TRPC6: variants seen among roughly 807,000 people sequenced by gnomAD.
The protein encoded by TRPC6 is transient receptor potential cation channel subfamily C member 6.
Under a neutral mutation model 90.7 loss-of-function variants are expected in TRPC6, and 55 were observed. The ratio of observed to expected loss-of-function variants is 0.61; its 90% confidence interval spans 0.49 to 0.76. TRPC6 has a LOEUF of 0.76. Among genes scored for constraint, TRPC6 ranks in the 30% least tolerant of loss-of-function variants. The pLI, the probability that TRPC6 is intolerant of heterozygous loss-of-function variation, is 0.00. For missense variants in TRPC6, 989 were observed against 1,122.7 expected, an observed-to-expected ratio of 0.88 and a Z score of 1.70; for synonymous variants, 393 against 393.0, an observed-to-expected ratio of 1.00 and a Z score of 0.00.
At chr11:101,580,382 T>G (rs961547628) in intron 1 of TRPC6, among the ~76,000 whole-genome samples, 2 of 152,308 alleles carry the variant, frequency 1.3e-5, no homozygotes, top group East Asian at 3.9e-4. Context: ...TAGAGAATAT[T>G]AATTGATTTG....
intron 1 of TRPC6, among the ~76,000 whole-genome samples, chr11:101,555,718 G>C (rs1457573870): frequency 6.6e-6 from 1 of 152,142 alleles, no homozygotes; most frequent in Non-Finnish European, 1.5e-5. Context: ...GACTGTACCA[G>C]ATTTCTATGA....
chr11:101,577,357 A>G (rs920595049), intron 1 of TRPC6, among the ~76,000 whole-genome samples: 15 of 152,274 alleles, frequency 9.9e-5, no homozygotes, highest in African/African-American at 3.6e-4. Flanking sequence ...TTTATTTGGA[A>G]ATACCTCGTA....
intron 8 of TRPC6, 55 bp from the exon 9 acceptor site, chr11:101,471,441 G>T (rs192655263): frequency 1.3e-6 from 2 of 1,578,018 alleles, no homozygotes; most frequent in African/African-American, 1.3e-5. Flanking sequence ...GAATTACTGG[G>T]ATGCTTTTAA....
chr11:101,470,391 C>A (rs1417415831), intron 9 of TRPC6, among the ~76,000 whole-genome samples: 1 of 152,194 alleles, frequency 6.6e-6, no homozygotes, highest in Non-Finnish European at 1.5e-5. Context: ...ACAGCCAGCT[C>A]CTTCAGTCCT....
At chr11:101,559,949 A>T (rs951718945) in intron 1 of TRPC6, among the ~76,000 whole-genome samples, 1 of 152,022 alleles carries the variant, frequency 6.6e-6, no homozygotes, top group East Asian at 1.9e-4. Context: ...CCATGTCCCT[A>T]CAAAGGTTTT....
chr11:101,491,376 G>A, intron 3 of TRPC6, 180 bp downstream of exon 3: 1 of 651,154 alleles, frequency 1.5e-6, no homozygotes, highest in Non-Finnish European at 2.4e-6. Flanking sequence ...GGAGCTTGCA[G>A]TGAGCCGAGA....
At chr11:101,549,791 G>A (rs761075777) in intron 1 of TRPC6, among the ~76,000 whole-genome samples, 58 of 151,056 alleles carry the variant, frequency 3.8e-4, no homozygotes, top group Non-Finnish European at 7.3e-4. Context: ...GGCCCTAATA[G>A]ATAAATAGGT....
At chr11:101,466,970 G>A (rs539106500) in intron 10 of TRPC6, among the ~76,000 whole-genome samples, 1 of 131,940 alleles carries the variant, frequency 7.6e-6, no homozygotes, top group African/African-American at 3.7e-5. Flanking sequence ...CCCTTGGGTG[G>A]GGGAGAAATT....
intron 1 of TRPC6, among the ~76,000 whole-genome samples, chr11:101,529,821 G>T (rs7101962): frequency 0.76 from 115,477 of 152,122 alleles, 45,387 homozygotes; most frequent in Middle Eastern, 0.87. Context: ...GGGAGCAGAT[G>T]TTAAAATTCT....
In TRPC6 at chr11:101,471,378, A is replaced by G. The variant is rs1427442900; in HGVS notation, c.2214T>C (p.Ala738=). Residue 738 remains alanine (A), a synonymous_variant, in exon 9 of 13, where the codon GCT becomes GCC. Coordinates refer to ENST00000344327, the MANE Select transcript of TRPC6 (RefSeq NM_004621.6). ...CCCTTGCAAATTTCCACTCCACATCAGCGTCATCCTATACAAATACACATG... is the reference window on the plus strand; with the variant it reads ...CCCTTGCAAATTTCCACTCCACATCGGCGTCATCCTATACAAATACACATG... ...NSSFQEIEDD[A]DVEWKFARAK... 2 of 1,613,726 alleles carry G rather than the reference A, an allele frequency of 1.2e-6. No homozygotes were observed. Among genetic ancestry groups the G allele is most frequent in the African/African-American group, 2.7e-5 (2 of 74,910 alleles).
At chr11:101,573,832 T>A (rs1024729789) in intron 1 of TRPC6, among the ~76,000 whole-genome samples, 4 of 151,832 alleles carry the variant, frequency 2.6e-5, no homozygotes, top group African/African-American at 9.7e-5. Flanking sequence ...TTAATAACAA[T>A]GGCATCCAGA....
At chr11:101,488,695 A>G (rs926272448) in intron 4 of TRPC6, among the ~76,000 whole-genome samples, 19 of 152,242 alleles carry the variant, frequency 1.2e-4, no homozygotes, top group African/African-American at 4.3e-4. Context: ...TGGTGATATT[A>G]CAGGTGAATT....
At chr11:101,478,765 T>TC (rs1378883591) in intron 5 of TRPC6, among the ~76,000 whole-genome samples, 1 of 152,168 alleles carries the variant, frequency 6.6e-6, no homozygotes, top group African/African-American at 2.4e-5. Context: ...GGCTGCTCAT[T>TC]CCACTGTTGA....
chr11:101,566,115 T>A (rs1479498747), intron 1 of TRPC6, among the ~76,000 whole-genome samples: 1 of 152,192 alleles, frequency 6.6e-6, no homozygotes, highest in East Asian at 1.9e-4. Flanking sequence ...TATATTGTAA[T>A]CTAATCTGAA....
chr11:101,489,168 T>C, intron 3 of TRPC6, 67 bp from the exon 4 acceptor site: 9 of 1,394,354 alleles, frequency 6.5e-6, no homozygotes, highest in Non-Finnish European at 9.1e-6. Context: ...GATTTTCATG[T>C]GTTCTAATAG....
At position 101,470,806 on chromosome 11, in the gene TRPC6, C is replaced by T. The variant is rs1320105917; in HGVS notation, c.2409+377G>A. 8.0e-4 allele frequency among the ~76,000 whole-genome samples: 78 copies of T among 98,062 alleles called. 3 individuals carry two copies. The South Asian group carries it at 0.033, about 42-fold the overall frequency. The allele number at this position is 98,062 out of a possible 152,430, so 64.3% of individuals were successfully genotyped here. A position where few individuals can be genotyped will look rare whatever the true frequency, so the allele number is the denominator to read the frequency against. ...TATCTAAGAGTTAATCAAGTTGCCCCGCCCCCCCCCCCTCCCCGAGTCATA... is the reference window on the plus strand; with the variant it reads ...TATCTAAGAGTTAATCAAGTTGCCCTGCCCCCCCCCCCTCCCCGAGTCATA... On this transcript the variant is annotated intron_variant, in intron 9 of 12. Coordinates refer to ENST00000344327, the MANE Select transcript of TRPC6 (RefSeq NM_004621.6).
At chr11:101,470,817 CCT>C (rs1491023744) in intron 9 of TRPC6, among the ~76,000 whole-genome samples, 8 of 62,040 alleles carry the variant, frequency 1.3e-4, no homozygotes, top group South Asian at 5.9e-4. Context: ...GCCCCCCCCC[CCT>C]CCCCGAGTCA....
chr11:101,559,129 A>G (rs1772888651), intron 1 of TRPC6, among the ~76,000 whole-genome samples: 1 of 152,180 alleles, frequency 6.6e-6, no homozygotes, highest in East Asian at 1.9e-4. Context: ...AGGGGTTAAT[A>G]TCCACACTAT....
intron 2 of TRPC6, among the ~76,000 whole-genome samples, 168 bp from the exon 3 acceptor site, chr11:101,491,906 T>C (rs2136708429): frequency 7.4e-6 from 1 of 134,482 alleles, no homozygotes; most frequent in South Asian, 2.5e-4. Flanking sequence ...AGTGGCACAA[T>C]CTTGGCTCAC....
Sources: gnomAD v4.1 joint callset for allele counts (sites outside exome capture counted in the v4.1 genomes callset) on GRCh38, gnomAD v4.1.1 for gene constraint, MANE v1.5 for transcripts, NCBI Gene and HGNC (gene_info 2026-07-23, HGNC 2026-07-21) for gene names.